The following FUT9 variants were observed in gnomAD, a reference collection of about 807,000 sequenced individuals.
FUT9 encodes 4-galactosyl-N-acetylglucosaminide 3-alpha-L-fucosyltransferase 9.
Under a neutral mutation model 29.7 loss-of-function variants are expected in FUT9, and 15 were observed. The ratio of observed to expected loss-of-function variants is 0.51; its 90% CI spans 0.34 to 0.78. The LOEUF (loss-of-function observed/expected upper bound fraction) is 0.78, where lower values mean the gene tolerates loss of function less well. FUT9 is among the 30% of genes least tolerant of loss of function. FUT9 has a pLI of 0.01. For missense variants in FUT9, 319 were observed against 425.4 expected (o/e 0.75, Z 2.20); for synonymous variants, 169 against 153.7 (o/e 1.10, Z -0.74).
At chr6:96,129,048 G>T (rs990161430) in intron 2 of FUT9, among the ~76,000 whole-genome samples, 1 of 150,456 alleles carries the variant, frequency 6.6e-6, no homozygotes, top group Non-Finnish European at 1.5e-5. Flanking sequence ...ACAAGGTCAG[G>T]AGATCGAGAC....
rs200597112 is a variant in FUT9 at position 96,052,962 on chromosome 6, G to GT, written c.-98+36759dup. 4.2e-4 allele frequency among the ~76,000 whole-genome samples: 63 copies of GT among 150,028 alleles called. 1 individual carries two copies. The highest frequency in any genetic ancestry group is 1.9e-3 in the South Asian group (9 of 4,704). On this transcript the variant is annotated intron_variant, in intron 1 of 2. Coordinates refer to ENST00000302103, the MANE Select transcript of FUT9 (RefSeq NM_006581.4). ...AATAATATTGTGTCTTCACCTTACT[G>GT]TTTTTTTTTGTCTTCATTCAATCAC...
chr6:96,088,526 TGTTTTG>T (rs1036105613), intron 1 of FUT9, among the ~76,000 whole-genome samples: 2 of 120,824 alleles, frequency 1.7e-5, no homozygotes, highest in African/African-American at 6.2e-5. Flanking sequence ...TCTGTTTGTT[TGTTTTG>T]TGTGTGTGTG....
intron 2 of FUT9, among the ~76,000 whole-genome samples, chr6:96,177,972 C>T (rs747294330): frequency 6.6e-5 from 10 of 152,070 alleles, no homozygotes; most frequent in Non-Finnish European, 1.3e-4. Context: ...TGATAGGCAG[C>T]CTTTGTTTGC....
chr6:96,127,235 T>C (rs550974515), intron 2 of FUT9, among the ~76,000 whole-genome samples: 7 of 152,308 alleles, frequency 4.6e-5, no homozygotes, highest in South Asian at 2.1e-4. Context: ...TGTTCCCTTC[T>C]TTGTGTACAT....
At chr6:96,149,954 T>G (rs1201512507) in intron 2 of FUT9, among the ~76,000 whole-genome samples, 1 of 152,170 alleles carries the variant, frequency 6.6e-6, no homozygotes, top group African/African-American at 2.4e-5. Context: ...TCTATCTAAT[T>G]GTATTTTCAT....
At chr6:96,111,823 G>C (rs1156491187) in intron 1 of FUT9, among the ~76,000 whole-genome samples, 1 of 152,076 alleles carries the variant, frequency 6.6e-6, no homozygotes, top group Non-Finnish European at 1.5e-5. Flanking sequence ...ACAGATGTTT[G>C]GGAGCCAATA....
intron 1 of FUT9, among the ~76,000 whole-genome samples, chr6:96,100,230 AAC>A (rs36064811): frequency 0.018 from 2,670 of 148,784 alleles, 74 homozygotes; most frequent in African/African-American, 0.06. Flanking sequence ...CACACACACC[AAC>A]ACACACACAC....
chr6:96,177,876 T>A (rs549724207), intron 2 of FUT9, among the ~76,000 whole-genome samples: 6 of 152,284 alleles, frequency 3.9e-5, no homozygotes, highest in African/African-American at 1.4e-4. Flanking sequence ...AACTAGTTAT[T>A]CTTAAAATTA....
At chr6:96,088,388 G>A (rs1007776046) in intron 1 of FUT9, among the ~76,000 whole-genome samples, 4 of 151,842 alleles carry the variant, frequency 2.6e-5, no homozygotes, top group African/African-American at 7.3e-5. Context: ...TAAATTTATA[G>A]CTTTCATCAA....
At chr6:96,151,673 C>T (rs955486792) in intron 2 of FUT9, among the ~76,000 whole-genome samples, 3 of 152,130 alleles carry the variant, frequency 2.0e-5, no homozygotes, top group African/African-American at 7.2e-5. Context: ...AAGCTGTGAG[C>T]TGAGTTTTGT....
chr6:96,210,043 T>G lies in FUT9; in HGVS notation c.*5808T>G, dbSNP rs1290098311. The G allele has an allele frequency of 6.0e-6, 1 of 166,906 alleles. No homozygotes were observed. The highest frequency in any genetic ancestry group is 2.4e-5 in the African/African-American group (1 of 41,438). The allele number at this position is 166,906 out of a possible 1,614,324, so 10.3% of individuals were successfully genotyped here. A position where few individuals can be genotyped will look rare whatever the true frequency, so the allele number is the denominator to read the frequency against. On this transcript the variant is annotated 3_prime_UTR_variant, in exon 3 of 3. Coordinates refer to ENST00000302103, the MANE Select transcript of FUT9 (RefSeq NM_006581.4). ...ATCTACATAAAAATCATTTGAAATA[T>G]TGTTAATAATACACAGCTTCTGAAT... is the stretch of plus-strand genomic sequence containing the variant.
At chr6:96,160,610 A>G (rs1772879314) in intron 2 of FUT9, among the ~76,000 whole-genome samples, 1 of 152,150 alleles carries the variant, frequency 6.6e-6, no homozygotes, top group Non-Finnish European at 1.5e-5. Context: ...AGATTCATTA[A>G]ATTGTTCCAA....
chr6:96,189,485 C>T (rs575243205), intron 2 of FUT9, among the ~76,000 whole-genome samples: 11 of 152,082 alleles, frequency 7.2e-5, no homozygotes, highest in Admixed American at 4.6e-4. Flanking sequence ...TTTTAGTGTA[C>T]ATCTAATGTT....
intron 1 of FUT9, among the ~76,000 whole-genome samples, chr6:96,062,222 A>G (rs545728372): frequency 1.3e-5 from 2 of 152,192 alleles, no homozygotes; most frequent in South Asian, 4.1e-4. Context: ...GAAAATATAT[A>G]TAAAATATTT....
chr6:96,129,965 T>A (rs945288257), intron 2 of FUT9, among the ~76,000 whole-genome samples: 9 of 152,094 alleles, frequency 5.9e-5, no homozygotes, highest in Non-Finnish European at 7.4e-5. Context: ...TTCAAAAAAA[T>A]TAATTTTACC....
chr6:96,150,319 A>G (rs1772652526), intron 2 of FUT9, among the ~76,000 whole-genome samples: 1 of 152,194 alleles, frequency 6.6e-6, no homozygotes, highest in South Asian at 2.1e-4. Flanking sequence ...TGGACTTTAA[A>G]ATATGGAAAT....
Position 96,214,523 on chromosome 6 carries a change from C to A in FUT9, c.*10288C>A, listed in dbSNP as rs1307764375. Reference sequence around the variant, plus strand: ...TTGGCTGCAGAGGAGCCTTTACATGCAGATAATTTGAAGCAGTCTTTGAAA... The same window carrying A: ...TTGGCTGCAGAGGAGCCTTTACATGAAGATAATTTGAAGCAGTCTTTGAAA... On this transcript the variant is annotated 3_prime_UTR_variant, in exon 3 of 3. Coordinates refer to ENST00000302103, the MANE Select transcript of FUT9 (RefSeq NM_006581.4). The A allele has an allele frequency of 6.0e-6, 1 of 166,824 alleles. No homozygotes were observed. The highest frequency in any genetic ancestry group is 1.5e-5 in the Non-Finnish European group (1 of 68,042). 10.3% of individuals were successfully genotyped at this position (166,824 alleles called of 1,614,324 possible). A position where few individuals can be genotyped will look rare whatever the true frequency, so the allele number is the denominator to read the frequency against.
chr6:96,020,317 T>G (rs1182123509), intron 1 of FUT9, among the ~76,000 whole-genome samples: 1 of 152,152 alleles, frequency 6.6e-6, no homozygotes, highest in Non-Finnish European at 1.5e-5. Context: ...AATAACAGAT[T>G]TTAGTTTCTG....
At chr6:96,065,740 A>G (rs1245615560) in intron 1 of FUT9, among the ~76,000 whole-genome samples, 2 of 152,200 alleles carry the variant, frequency 1.3e-5, no homozygotes, top group African/African-American at 2.4e-5. Context: ...ATTACAAGCT[A>G]TATGCCTAAT....
Sources: gnomAD v4.1 joint callset for allele counts (sites outside exome capture counted in the v4.1 genomes callset) on GRCh38, gnomAD v4.1.1 for gene constraint, MANE v1.5 for transcripts, NCBI Gene and HGNC (gene_info 2026-07-23, HGNC 2026-07-21) for gene names.